The following SPTBN1 variants were observed in gnomAD, a reference collection of about 807,000 sequenced individuals.
SPTBN1 encodes spectrin beta chain, non-erythrocytic 1.
A neutral mutation model predicts 266.4 loss-of-function variants in SPTBN1; 32 were observed. The ratio of observed to expected loss-of-function variants is 0.12; its 90% CI spans 0.09 to 0.16. SPTBN1 has a LOEUF of 0.16. Ranked by LOEUF, SPTBN1 falls within the 10% of genes least tolerant of loss-of-function variation. The pLI is 1.00. For synonymous variants in SPTBN1, 1,336 were observed against 1,162.2 expected (o/e 1.15, Z -3.04); for missense variants, 2,296 against 3,067.1 (o/e 0.75, Z 5.94).
chr2:54,508,257 AGACCCTGT>A (rs939318377), intron 1 of SPTBN1, among the ~76,000 whole-genome samples: 55 of 152,230 alleles, frequency 3.6e-4, no homozygotes, highest in African/African-American at 1.3e-3. Context: ...TGGCCTTCTT[AGACCCTGT>A]GGGAAAGGCC....
chr2:54,564,094 G>A (rs1485544299), intron 2 of SPTBN1, among the ~76,000 whole-genome samples: 2 of 152,154 alleles, frequency 1.3e-5, no homozygotes, highest in Non-Finnish European at 2.9e-5. Context: ...TGTGTTAAGG[G>A]AGCTGCCCAG....
At chr2:54,505,642 A>T (rs1669513980) in intron 1 of SPTBN1, among the ~76,000 whole-genome samples, 1 of 152,050 alleles carries the variant, frequency 6.6e-6, no homozygotes, top group South Asian at 2.1e-4. Flanking sequence ...TGGGTCTCCT[A>T]GGTGTCTTAC....
rs768342077 is a variant in SPTBN1 at position 54,645,402 on chromosome 2, G to C, written c.4443G>C (p.Leu1481=). The C allele has an allele frequency of 1.9e-6, 3 of 1,614,172 alleles. No individual in the cohort carries two copies. The East Asian group carries it at 6.7e-5, about 36-fold the overall frequency. The stretch of plus-strand genomic sequence containing the variant: ...CCTTGAACGAGAGGAAGCATAACCT[G>C]CTGGCCTCCAAAGAGATCCATCAGT... ...LEPLNERKHN[L]LASKEIHQFN... The change falls in exon 21 of 36, where the codon CTG becomes CTC. Residue 1481 remains leucine, a synonymous_variant. Coordinates refer to ENST00000356805, the MANE Select transcript of SPTBN1 (RefSeq NM_003128.3). This position sits in a 1 kb window ranked among gnomAD's most constrained non-coding sequence, Gnocchi z 4.3.
chr2:54,511,557 T>C (rs535684816), intron 1 of SPTBN1, among the ~76,000 whole-genome samples: 2 of 152,230 alleles, frequency 1.3e-5, no homozygotes, highest in Admixed American at 6.5e-5. Context: ...TATTATTACA[T>C]TGTAATATAT....
intron 32 of SPTBN1, chr2:54,661,833 A>G (rs1041916185): frequency 3.0e-6 from 3 of 985,364 alleles, no homozygotes; most frequent in African/African-American, 1.7e-5. Context: ...AAGGAACCAC[A>G]TAAGCACACA....
At chr2:54,642,119 C>T (rs1027102433) in intron 18 of SPTBN1, among the ~76,000 whole-genome samples, 7 of 152,130 alleles carry the variant, frequency 4.6e-5, no homozygotes, top group East Asian at 1.9e-4. Flanking sequence ...GCAAATGGGG[C>T]GGGAATCAGG....
Position 54,645,815 on chromosome 2 carries a change from T to TGA in SPTBN1, c.4495-111_4495-110dup. On this transcript the variant is annotated intron_variant, in intron 21 of 35. Transcript: ENST00000356805. The surrounding 1 kb of genome is among the most constrained non-coding windows in gnomAD (Gnocchi z 4.3). ...CCCCAGACAGCCCTCCCGAGGGGGC[T>TGA]GAGCACTCTCTGAAGCTCACCCTTG... The TGA allele has an allele frequency of 8.4e-7, 1 of 1,184,814 alleles. No homozygotes were observed. Among genetic ancestry groups the TGA allele is most frequent in the Non-Finnish European group, 1.2e-6 (1 of 818,500 alleles). The allele number at this position is 1,184,814 out of a possible 1,614,324, so 73.4% of individuals were successfully genotyped here.
chr2:54,576,833 G>A (rs1353238625), intron 2 of SPTBN1, among the ~76,000 whole-genome samples: 3 of 152,206 alleles, frequency 2.0e-5, no homozygotes, highest in Admixed American at 2.0e-4. Flanking sequence ...TTCTGAAAGG[G>A]AATACTAGGT....
chr2:54,497,357 A>C (rs934930678), intron 1 of SPTBN1, among the ~76,000 whole-genome samples: 1 of 152,172 alleles, frequency 6.6e-6, no homozygotes, highest in Non-Finnish European at 1.5e-5. Flanking sequence ...ACCATGAATT[A>C]GTTTTTTGGT....
chr2:54,490,934 G>A (rs970859821), intron 1 of SPTBN1, among the ~76,000 whole-genome samples: 1 of 152,158 alleles, frequency 6.6e-6, no homozygotes, highest in Non-Finnish European at 1.5e-5. Context: ...GCTGAGGCCA[G>A]GCAAAAACTC....
At chr2:54,592,398 A>G (rs934630471) in intron 2 of SPTBN1, among the ~76,000 whole-genome samples, 1 of 76,994 alleles carries the variant, frequency 1.3e-5, no homozygotes, top group East Asian at 2.8e-4. Flanking sequence ...CTTTTTTTTT[A>G]TCTGAGACAG....
Position 54,637,726 on chromosome 2 carries a change from C to G in SPTBN1, c.3781C>G (p.Arg1261Gly). 6.2e-7 allele frequency: 1 copy of G among 1,613,280 alleles called. No homozygotes were observed. Among genetic ancestry groups the G allele is most frequent in the Non-Finnish European group, 8.5e-7 (1 of 1,179,456 alleles). Residue 1261 changes from arginine to glycine, a missense_variant, in exon 18 of 36, where the codon CGT becomes GGT. Physicochemically the swap from Arg to Gly is moderately radical, Grantham distance 125 (BLOSUM62 -2). Transcript: ENST00000356805. The part of the protein sequence containing the change: ...DSIDDRHRKN[R>G]ETASELLMRL... ...CCATTCTAATAGACATAGGAAGAATCGTGAGACAGCCAGTGAACTTTTGAT... is the reference window on the plus strand; with the variant it reads ...CCATTCTAATAGACATAGGAAGAATGGTGAGACAGCCAGTGAACTTTTGAT...
intron 1 of SPTBN1, among the ~76,000 whole-genome samples, chr2:54,495,840 T>A (rs1668941948): frequency 6.6e-6 from 1 of 152,172 alleles, no homozygotes; most frequent in South Asian, 2.1e-4. Flanking sequence ...TGTTTAAAAA[T>A]TCTGGGAAAA....
intron 1 of SPTBN1, among the ~76,000 whole-genome samples, chr2:54,523,385 G>GT (rs1670603206): frequency 6.6e-6 from 1 of 152,218 alleles, no homozygotes. Flanking sequence ...ATGGGTGACA[G>GT]TTTGAGTCAC....
At chr2:54,553,530 G>A (rs1369466813) in intron 2 of SPTBN1, among the ~76,000 whole-genome samples, 1 of 151,792 alleles carries the variant, frequency 6.6e-6, no homozygotes, top group Non-Finnish European at 1.5e-5. Context: ...ATGCTTAGGA[G>A]AAATTGGCTG....
rs776689608 is a variant in SPTBN1, at chr2:54,646,358, A to G, written c.4749A>G (p.Lys1583=). ...GTCTCCTCATTGAGGAGACAGAGAA[A>G]CGCCACAGGCGGCTGGAGGAGGCGC... The part of the protein sequence containing the change: ...LWGLLIEETE[K]RHRRLEEAHR... The change falls in exon 23 of 36, where the codon AAA becomes AAG. Residue 1583 remains lysine (K), a synonymous_variant. Coordinates refer to ENST00000356805, the MANE Select transcript of SPTBN1 (RefSeq NM_003128.3). The surrounding 1 kb of genome is among the most constrained non-coding windows in gnomAD (Gnocchi z 4.4). 5.0e-6 allele frequency: 8 copies of G among 1,613,692 alleles called. No individual in the cohort carries two copies. The East Asian group carries it at 8.9e-5, about 18-fold the overall frequency.
In SPTBN1 at chr2:54,645,784, G is replaced by A. The variant is rs1679889052; in HGVS notation, c.4495-144G>A. 6.1e-6 allele frequency: 5 copies of A among 814,990 alleles called. No individual in the cohort carries two copies. Among genetic ancestry groups the A allele is most frequent in the African/African-American group, 1.7e-5 (1 of 58,254 alleles). 50.5% of individuals were successfully genotyped at this position (814,990 alleles called of 1,614,324 possible). On this transcript the variant is annotated intron_variant, in intron 21 of 35. Coordinates refer to ENST00000356805, the MANE Select transcript of SPTBN1 (RefSeq NM_003128.3). The surrounding 1 kb of genome is among the most constrained non-coding windows in gnomAD (Gnocchi z 4.3). ...TAGCCCTGTCTCGGAGAACAAGGGC[G>A]TGCTTCCCCAGACAGCCCTCCCGAG...
chr2:54,503,990 A>G (rs1173479337), intron 1 of SPTBN1, among the ~76,000 whole-genome samples: 1 of 152,048 alleles, frequency 6.6e-6, no homozygotes, highest in East Asian at 1.9e-4. Context: ...ATCACCAACT[A>G]CTCTTCTGAG....
chr2:54,665,211 T>G (rs1392155199), intron 33 of SPTBN1, among the ~76,000 whole-genome samples: 2 of 152,214 alleles, frequency 1.3e-5, no homozygotes, highest in Non-Finnish European at 2.9e-5. Flanking sequence ...AAAGCCTATG[T>G]GCTTAACTAG....
Sources: allele counts gnomAD v4.1 joint callset (sites outside exome capture counted in the v4.1 genomes callset), GRCh38; gene constraint gnomAD v4.1.1; non-coding constraint Gnocchi (gnomAD v3.1); transcripts MANE v1.5; gene names NCBI Gene and HGNC (gene_info 2026-07-23, HGNC 2026-07-21).